Variants in AGBL1 observed in about 807,000 individuals in gnomAD.
The protein encoded by AGBL1 is AGBL carboxypeptidase 1.
In AGBL1, 130 loss-of-function variants were observed where a neutral mutation model predicts 118.9. The ratio of observed to expected loss-of-function variants is 1.09; its 90% CI spans 0.95 to 1.26. The LOEUF is 1.26. Ranked by LOEUF, AGBL1 falls within the 50% of genes most tolerant of loss-of-function variation. AGBL1 has a pLI of 0.00. For synonymous variants in AGBL1, 555 were observed against 478.9 expected (o/e 1.16, Z -2.08); for missense variants, 1,584 against 1,298.1 (o/e 1.22, Z -3.38).
intron 17 of AGBL1, among the ~76,000 whole-genome samples, chr15:86,345,218 C>CTT (rs534279834): frequency 6.9e-6 from 1 of 144,952 alleles, no homozygotes; most frequent in African/African-American, 2.5e-5. Context: ...TTAGACAAGA[C>CTT]TTTTTTTTTT....
chr15:86,106,716 G>A (rs910906050), intron 1 of AGBL1, among the ~76,000 whole-genome samples: 2 of 152,218 alleles, frequency 1.3e-5, no homozygotes, highest in Non-Finnish European at 2.9e-5. Context: ...GATCTGGGCT[G>A]AAACTTAAAA....
chr15:86,791,350 T>G (rs1596484092), intron 22 of AGBL1, among the ~76,000 whole-genome samples: 1 of 152,216 alleles, frequency 6.6e-6, no homozygotes, highest in African/African-American at 2.4e-5. Context: ...TGAAACTCCA[T>G]GAGTTTTCAC....
At chr15:86,498,321 A>G (rs555272220) in intron 18 of AGBL1, among the ~76,000 whole-genome samples, 75 of 152,070 alleles carry the variant, frequency 4.9e-4, no homozygotes, top group African/African-American at 1.7e-3. Flanking sequence ...ATTATGTCTT[A>G]GTACCATGAC....
At chr15:86,358,939 A>G (rs903093763) in intron 17 of AGBL1, among the ~76,000 whole-genome samples, 4 of 151,736 alleles carry the variant, frequency 2.6e-5, no homozygotes, top group African/African-American at 4.8e-5. Flanking sequence ...TATCAGATGT[A>G]TGATTTGCAA....
chr15:87,002,961 C>G (rs2081456096), intron 24 of AGBL1, among the ~76,000 whole-genome samples: 1 of 152,130 alleles, frequency 6.6e-6, no homozygotes, highest in African/African-American at 2.4e-5. Context: ...CTAATTAATA[C>G]CCTTTATTTC....
chr15:86,195,918 C>G (rs373910390), intron 5 of AGBL1, among the ~76,000 whole-genome samples: 1 of 152,240 alleles, frequency 6.6e-6, no homozygotes, highest in African/African-American at 2.4e-5. Flanking sequence ...GGGCGTCTTT[C>G]AACAACTATT....
intron 9 of AGBL1, among the ~76,000 whole-genome samples, chr15:86,260,944 C>T (rs1299788127): frequency 6.6e-6 from 1 of 152,176 alleles, no homozygotes; most frequent in Non-Finnish European, 1.5e-5. Context: ...TGGCTGAGTG[C>T]CTGGTTCTCA....
At position 86,649,353 on chromosome 15, in the gene AGBL1, A is replaced by C. The variant is rs147979755; in HGVS notation, c.2995-24920A>C. Among the ~76,000 whole-genome samples the C allele has an allele frequency of 9.0e-3, 1,370 of 152,244 alleles. 76 individuals are homozygous for C. The highest frequency in any genetic ancestry group is 0.084 in the Admixed American group (1,280 of 15,290). ...AATGAAGATGGGGAAGAATTGTTGA[A>C]GGTTTTAGGGGGAAGAAAGAGGTAA... On this transcript the variant is annotated intron_variant, in intron 21 of 22. Transcript: ENST00000614907.
At chr15:86,839,429 T>C (rs1680609302) in intron 22 of AGBL1, among the ~76,000 whole-genome samples, 1 of 152,204 alleles carries the variant, frequency 6.6e-6, no homozygotes, top group Admixed American at 6.5e-5. Context: ...TCTTATTGGA[T>C]CCATTGCATG....
intron 1 of AGBL1, 40 bp from the exon 2 acceptor site, chr15:86,141,964 C>T (rs1357406073): frequency 6.5e-7 from 1 of 1,540,782 alleles, no homozygotes; most frequent in Non-Finnish European, 8.8e-7. Context: ...ACTCCTTCCT[C>T]TTGCATTCTT....
chr15:86,196,634 A>G (rs1331328387), intron 5 of AGBL1, among the ~76,000 whole-genome samples: 1 of 152,086 alleles, frequency 6.6e-6, no homozygotes, highest in Admixed American at 6.6e-5. Flanking sequence ...GATCACTAAC[A>G]ACGTTTTCTA....
At chr15:86,101,706 G>C (rs1455869091) in intron 1 of AGBL1, among the ~76,000 whole-genome samples, 1 of 147,476 alleles carries the variant, frequency 6.8e-6, no homozygotes, top group Non-Finnish European at 1.5e-5. Context: ...GTTTGCTTTT[G>C]ATTCTGTTCA....
At chr15:86,571,239 T>C (rs1454878462) in intron 21 of AGBL1, among the ~76,000 whole-genome samples, 2 of 152,182 alleles carry the variant, frequency 1.3e-5, no homozygotes, top group Non-Finnish European at 2.9e-5. Context: ...ACAGCTCTTC[T>C]CTTCTGCTCT....
intron 21 of AGBL1, among the ~76,000 whole-genome samples, chr15:86,633,878 G>GTA (rs142817512): frequency 3.2e-4 from 32 of 99,016 alleles, no homozygotes; most frequent in African/African-American, 1.5e-3. Context: ...TATATATAAT[G>GTA]TATATATATA....
chr15:86,088,623 T>C (rs951831493), intron 1 of AGBL1, among the ~76,000 whole-genome samples: 7 of 152,228 alleles, frequency 4.6e-5, no homozygotes, highest in Non-Finnish European at 2.9e-5. Flanking sequence ...CAAAGAACAC[T>C]AGTGTTCCCT....
chr15:86,727,093 G>A (rs2142738654), intron 22 of AGBL1, among the ~76,000 whole-genome samples: 1 of 152,250 alleles, frequency 6.6e-6, no homozygotes, highest in South Asian at 2.1e-4. Flanking sequence ...AAAGTGTCAG[G>A]CAGTACTTGG....
intron 23 of AGBL1, among the ~76,000 whole-genome samples, chr15:86,921,667 G>C (rs189409509): frequency 3.0e-4 from 46 of 152,294 alleles, no homozygotes; most frequent in African/African-American, 1.1e-3. Context: ...GAGGTTTGGA[G>C]TTGCCTAGTG....
intron 23 of AGBL1, among the ~76,000 whole-genome samples, chr15:86,973,458 T>A (rs571697363): frequency 1.3e-5 from 2 of 151,626 alleles, no homozygotes; most frequent in East Asian, 3.9e-4. Context: ...AGTCACTCAG[T>A]GTCAGCCTAC....
At chr15:86,091,773 A>G (rs1446295788) in intron 1 of AGBL1, among the ~76,000 whole-genome samples, 1 of 152,064 alleles carries the variant, frequency 6.6e-6, no homozygotes, top group Non-Finnish European at 1.5e-5. Flanking sequence ...AGTAAAATAA[A>G]TCTCACAATT....
Sources: allele counts gnomAD v4.1 joint callset (sites outside exome capture counted in the v4.1 genomes callset), GRCh38; gene constraint gnomAD v4.1.1; transcripts MANE v1.5; gene names NCBI Gene and HGNC (gene_info 2026-07-23, HGNC 2026-07-21).